TENM2: variants seen among roughly 807,000 people sequenced by gnomAD.
TENM2 encodes the protein teneurin transmembrane protein 2, also known as teneurin-2.
Under a neutral mutation model 245.2 loss-of-function variants are expected in TENM2, and 52 were observed. That is an observed-to-expected ratio of 0.21 (90% CI 0.17 to 0.27). The LOEUF (loss-of-function observed/expected upper bound fraction) is 0.27. TENM2 is among the 10% of genes least tolerant of loss of function. The pLI is 1.00. For missense variants in TENM2, 3,046 were observed against 3,666.8 expected, an observed-to-expected ratio of 0.83 and a Z score of 4.37; for synonymous variants, 1,363 against 1,438.9, an observed-to-expected ratio of 0.95 and a Z score of 1.19.
intron 2 of TENM2, among the ~76,000 whole-genome samples, chr5:167,839,770 A>G (rs867764083): frequency 5.3e-5 from 8 of 152,276 alleles, no homozygotes; most frequent in African/African-American, 1.9e-4. Context: ...AGTGACAGAA[A>G]ATTTTCCAAT....
chr5:167,239,108 C>A, the TENM2 span, among the ~76,000 whole-genome samples: 1 of 152,194 alleles, frequency 6.6e-6, no homozygotes, highest in Non-Finnish European at 1.5e-5. Context: ...CTTTAAAAAT[C>A]ACTACAGAAA....
At chr5:167,149,253 G>T in the TENM2 span, among the ~76,000 whole-genome samples, 2 of 151,558 alleles carry the variant, frequency 1.3e-5, no homozygotes, top group Non-Finnish European at 2.9e-5. Context: ...ACCTCCCAGA[G>T]GCCTGTCCTG....
At chr5:168,162,069 C>T (rs887352990) in intron 12 of TENM2, among the ~76,000 whole-genome samples, 2 of 152,096 alleles carry the variant, frequency 1.3e-5, no homozygotes, top group Admixed American at 6.5e-5. Flanking sequence ...ATTACCTGTA[C>T]AAGCATATGA....
At chr5:167,242,021 T>G in the TENM2 span, among the ~76,000 whole-genome samples, 1 of 151,806 alleles carries the variant, frequency 6.6e-6, no homozygotes, top group Non-Finnish European at 1.5e-5. Flanking sequence ...GTTTAGGTTT[T>G]CTTTGTTTTC....
At chr5:167,632,068 T>G (rs1778912056) in intron 2 of TENM2, among the ~76,000 whole-genome samples, 1 of 152,116 alleles carries the variant, frequency 6.6e-6, no homozygotes, top group East Asian at 1.9e-4. Flanking sequence ...TGAATGTCAG[T>G]GGGTCTGATT....
At chr5:166,991,239 T>C in the TENM2 span, among the ~76,000 whole-genome samples, 412 of 151,798 alleles carry the variant, frequency 2.7e-3, 2 homozygotes, top group African/African-American at 9.6e-3. Context: ...TGAGTTTGTA[T>C]CTCAAAGTAG....
At chr5:167,475,730 T>A (rs982059375) in intron 2 of TENM2, among the ~76,000 whole-genome samples, 1 of 152,124 alleles carries the variant, frequency 6.6e-6, no homozygotes, top group African/African-American at 2.4e-5. Context: ...CTCCCACTTA[T>A]GAGTGAGAAC....
At chr5:167,988,084 G>T (rs993821737) in intron 4 of TENM2, among the ~76,000 whole-genome samples, 7 of 152,162 alleles carry the variant, frequency 4.6e-5, no homozygotes, top group African/African-American at 9.7e-5. Context: ...CATGCAGGTT[G>T]TTTTTTCTGT....
At chr5:167,704,463 C>T (rs1308122799) in intron 2 of TENM2, among the ~76,000 whole-genome samples, 4 of 152,066 alleles carry the variant, frequency 2.6e-5, no homozygotes, top group Non-Finnish European at 5.9e-5. Context: ...GAAGTCATTC[C>T]TTGTGAGGAA....
chr5:167,939,827 G>A (rs1202542366), intron 3 of TENM2, among the ~76,000 whole-genome samples: 1 of 152,310 alleles, frequency 6.6e-6, no homozygotes, highest in East Asian at 1.9e-4. Flanking sequence ...GATTCACCCA[G>A]CCTGGTTGAG....
chr5:168,149,895 G>T (rs939596970), intron 12 of TENM2, among the ~76,000 whole-genome samples: 3 of 152,188 alleles, frequency 2.0e-5, no homozygotes, highest in Non-Finnish European at 2.9e-5. Flanking sequence ...TGTACCTGCA[G>T]TTTCCTCTGC....
intron 3 of TENM2, among the ~76,000 whole-genome samples, chr5:167,946,131 G>A (rs1390532244): frequency 1.3e-5 from 2 of 152,220 alleles, no homozygotes; most frequent in East Asian, 1.9e-4. Flanking sequence ...GACAGAAGGA[G>A]GAAGCAAGGT....
chr5:167,197,940 G>C, the TENM2 span, among the ~76,000 whole-genome samples: 196 of 151,974 alleles, frequency 1.3e-3, no homozygotes, highest in African/African-American at 4.7e-3. Context: ...GGGAGGGAGG[G>C]AGAGAGGATT....
At chr5:167,872,530 A>T (rs1210260284) in intron 2 of TENM2, among the ~76,000 whole-genome samples, 2 of 51,230 alleles carry the variant, frequency 3.9e-5, no homozygotes, top group Non-Finnish European at 1.1e-4. Flanking sequence ...GAAAGAAAGA[A>T]AGAAAGAAAG....
chr5:167,788,508 G>A (rs2150879884), intron 2 of TENM2, among the ~76,000 whole-genome samples: 1 of 152,230 alleles, frequency 6.6e-6, no homozygotes, highest in Middle Eastern at 3.4e-3. Context: ...GTAATTGTTG[G>A]CAGCATATAC....
chr5:167,377,422 G>C (rs927267125), intron 2 of TENM2, among the ~76,000 whole-genome samples: 1 of 152,082 alleles, frequency 6.6e-6, no homozygotes, highest in Admixed American at 6.5e-5. Context: ...GGCTGGCAAG[G>C]CACAAAGGAG....
At chr5:167,518,192 T>C (rs762960685) in intron 2 of TENM2, among the ~76,000 whole-genome samples, 7 of 151,986 alleles carry the variant, frequency 4.6e-5, no homozygotes, top group Non-Finnish European at 5.9e-5. Flanking sequence ...TTTAAGTTCA[T>C]TTGTCATCCT....
intron 2 of TENM2, among the ~76,000 whole-genome samples, chr5:167,842,243 A>C (rs932185762): frequency 6.6e-6 from 1 of 152,094 alleles, no homozygotes; most frequent in East Asian, 1.9e-4. Context: ...AGAGCTTTAC[A>C]AGCTGCCTGT....
chr5:167,061,373 T>C, the TENM2 span, among the ~76,000 whole-genome samples: 1 of 152,200 alleles, frequency 6.6e-6, no homozygotes, highest in African/African-American at 2.4e-5. Flanking sequence ...ATCCTAAAGT[T>C]GGGCATCTCT....
Sources: allele counts gnomAD v4.1 joint callset (sites outside exome capture counted in the v4.1 genomes callset), GRCh38; gene constraint gnomAD v4.1.1; transcripts MANE v1.5; gene names NCBI Gene and HGNC (gene_info 2026-07-23, HGNC 2026-07-21).